The following HEMK2 variants were observed in gnomAD, a reference collection of about 807,000 sequenced individuals.
The protein encoded by HEMK2 is HemK methyltransferase 2, ETF1 glutamine and histone H4 lysine.
At chr21:28,578,870 T>C in the HEMK2 span, among the ~76,000 whole-genome samples, 17 of 152,292 alleles carry the variant, frequency 1.1e-4, no homozygotes, top group South Asian at 1.5e-3. Context: ...TTTGTAAGTA[T>C]GTGCAACGGC....
the HEMK2 span, among the ~76,000 whole-genome samples, chr21:28,623,143 A>G: frequency 6.6e-6 from 1 of 152,182 alleles, no homozygotes; most frequent in African/African-American, 2.4e-5. Flanking sequence ...CAAATTTACA[A>G]GAAAAAAACA....
At chr21:28,674,294 C>G in the HEMK2 span, among the ~76,000 whole-genome samples, 6 of 152,194 alleles carry the variant, frequency 3.9e-5, no homozygotes, top group African/African-American at 1.4e-4. Flanking sequence ...AAATTGGCAA[C>G]CAGCAGCCCT....
At chr21:28,884,162 C>T in the HEMK2 span, among the ~76,000 whole-genome samples, 2 of 152,216 alleles carry the variant, frequency 1.3e-5, no homozygotes, top group African/African-American at 4.8e-5. Context: ...TAACCCAAGA[C>T]TTTATAACAA....
chr21:28,659,242 C>G, the HEMK2 span, among the ~76,000 whole-genome samples: 2 of 152,122 alleles, frequency 1.3e-5, no homozygotes, highest in East Asian at 1.9e-4. Context: ...ATTTGAAAAG[C>G]CTTGTTCTAC....
the HEMK2 span, among the ~76,000 whole-genome samples, chr21:28,800,670 T>A: frequency 6.6e-6 from 1 of 152,190 alleles, no homozygotes; most frequent in South Asian, 2.1e-4. Context: ...TGGAGGATTG[T>A]GAGACCTCAC....
chr21:28,714,374 C>T, the HEMK2 span, among the ~76,000 whole-genome samples: 1 of 152,078 alleles, frequency 6.6e-6, no homozygotes, highest in Non-Finnish European at 1.5e-5. Flanking sequence ...CCCATTGAGG[C>T]CTATTAATTT....
the HEMK2 span, among the ~76,000 whole-genome samples, chr21:28,666,717 T>G: frequency 6.6e-6 from 1 of 152,150 alleles, no homozygotes; most frequent in Non-Finnish European, 1.5e-5. Flanking sequence ...CTTAGCAGCT[T>G]TTTTGGAATT....
At chr21:28,807,671 T>C in the HEMK2 span, among the ~76,000 whole-genome samples, 2 of 151,992 alleles carry the variant, frequency 1.3e-5, no homozygotes, top group Non-Finnish European at 2.9e-5. Flanking sequence ...CTGGAGAGAG[T>C]CCTTAGTGGA....
chr21:28,859,530 TA>T, the HEMK2 span, among the ~76,000 whole-genome samples: 2 of 152,234 alleles, frequency 1.3e-5, no homozygotes, highest in Non-Finnish European at 2.9e-5. Context: ...TAAGTGTGGT[TA>T]CTTTTTTTCA....
chr21:28,719,988 A>G, the HEMK2 span, among the ~76,000 whole-genome samples: 3 of 152,184 alleles, frequency 2.0e-5, no homozygotes, highest in South Asian at 6.2e-4. Context: ...ATACTGTAAA[A>G]CAAGTGTCCT....
the HEMK2 span, among the ~76,000 whole-genome samples, chr21:28,731,183 AGT>A: frequency 2.6e-5 from 4 of 152,234 alleles, no homozygotes; most frequent in Non-Finnish European, 5.9e-5. Flanking sequence ...AAGGAGCATT[AGT>A]AGTAAGTAAT....
chr21:28,783,876 G>C, the HEMK2 span, among the ~76,000 whole-genome samples: 2 of 152,220 alleles, frequency 1.3e-5, no homozygotes, highest in South Asian at 4.1e-4. Flanking sequence ...ACCAGCCCCG[G>C]GCAGTGAGGG....
chr21:28,797,859 A>G, the HEMK2 span, among the ~76,000 whole-genome samples: 1 of 152,164 alleles, frequency 6.6e-6, no homozygotes, highest in East Asian at 1.9e-4. Context: ...TGTGGGTGCA[A>G]AAGGAGCTAT....
chr21:28,849,850 C>G, the HEMK2 span, among the ~76,000 whole-genome samples: 1 of 152,144 alleles, frequency 6.6e-6, no homozygotes, highest in African/African-American at 2.4e-5. Flanking sequence ...ATAAAACCTC[C>G]AACAAATATG....
At chr21:28,809,957 C>A in the HEMK2 span, among the ~76,000 whole-genome samples, 1 of 151,848 alleles carries the variant, frequency 6.6e-6, no homozygotes, top group African/African-American at 2.4e-5. Flanking sequence ...TATTCTCTCA[C>A]TGCCTTACTC....
chr21:28,795,980 C>T, the HEMK2 span, among the ~76,000 whole-genome samples: 1 of 152,152 alleles, frequency 6.6e-6, no homozygotes, highest in Non-Finnish European at 1.5e-5. Flanking sequence ...TCTCTAGCCG[C>T]TAGCTACTGT....
At chr21:28,665,670 C>T in the HEMK2 span, among the ~76,000 whole-genome samples, 36 of 151,236 alleles carry the variant, frequency 2.4e-4, no homozygotes, top group Admixed American at 2.2e-3. Flanking sequence ...TTGTGGAAGT[C>T]GGTGTGGCGA....
At chr21:28,826,815 C>T in the HEMK2 span, among the ~76,000 whole-genome samples, 4 of 152,090 alleles carry the variant, frequency 2.6e-5, no homozygotes, top group Non-Finnish European at 5.9e-5. Flanking sequence ...ACTTTAGCCG[C>T]AGTGAATTGA....
At chr21:28,861,512 C>T in the HEMK2 span, among the ~76,000 whole-genome samples, 27 of 152,298 alleles carry the variant, frequency 1.8e-4, no homozygotes, top group African/African-American at 5.8e-4. Context: ...AGCCAGTTTA[C>T]GGTTTACTTC....
Sources: gnomAD v4.1 joint callset for allele counts (sites outside exome capture counted in the v4.1 genomes callset) on GRCh38, gnomAD v4.1.1 for gene constraint, MANE v1.5 for transcripts, NCBI Gene and HGNC (gene_info 2026-07-23, HGNC 2026-07-21) for gene names.